HERC3: variants seen among roughly 807,000 people sequenced by gnomAD.
The protein encoded by HERC3 is HECT and RLD domain containing E3 ubiquitin protein ligase 3.
Under a neutral mutation model 129.9 loss-of-function variants are expected in HERC3, and 58 were observed. The observed-to-expected ratio is 0.45, with a 90% CI of 0.36 to 0.56. The LOEUF is 0.56. Ranked by LOEUF, HERC3 falls within the 20% of genes least tolerant of loss-of-function variation. HERC3 has a pLI of 0.00. For missense variants in HERC3, 835 were observed against 1,244.2 expected (o/e 0.67, Z 4.95); for synonymous variants, 430 against 451.0 (o/e 0.95, Z 0.59).
At chr4:88,531,420 T>G in the HERC3 span, among the ~76,000 whole-genome samples, 2 of 152,198 alleles carry the variant, frequency 1.3e-5, no homozygotes, top group African/African-American at 4.8e-5. Context: ...AAATATAAAC[T>G]TTAAAAATAA....
chr4:88,541,886 C>T, the HERC3 span, among the ~76,000 whole-genome samples: 1 of 152,198 alleles, frequency 6.6e-6, no homozygotes, highest in African/African-American at 2.4e-5. Flanking sequence ...TAAAGATGTT[C>T]TTTGAAACCA....
chr4:88,581,616 C>T, the HERC3 span, among the ~76,000 whole-genome samples: 1 of 151,888 alleles, frequency 6.6e-6, no homozygotes, highest in East Asian at 1.9e-4. Flanking sequence ...CTCTTTCTTT[C>T]TATTTTTTAA....
At chr4:88,662,264 G>A (rs1233618187) in intron 10 of HERC3, among the ~76,000 whole-genome samples, 167 bp from the exon 11 acceptor site, 1 of 152,152 alleles carries the variant, frequency 6.6e-6, no homozygotes, top group Admixed American at 6.5e-5. Context: ...ACCCAGCTGG[G>A]ATCTGTCAGG....
chr4:88,604,906 G>T (rs1723451441), intron 2 of HERC3, among the ~76,000 whole-genome samples: 1 of 152,130 alleles, frequency 6.6e-6, no homozygotes, highest in African/African-American at 2.4e-5. Context: ...GTTGTTACCT[G>T]GCCATCATTG....
At chr4:88,551,069 A>G in the HERC3 span, among the ~76,000 whole-genome samples, 47 of 149,082 alleles carry the variant, frequency 3.2e-4, no homozygotes, top group African/African-American at 1.1e-3. Context: ...TGCTGGGAAA[A>G]CTGGCTAGCC....
chr4:88,553,907 C>T, the HERC3 span, among the ~76,000 whole-genome samples: 1 of 152,186 alleles, frequency 6.6e-6, no homozygotes, highest in African/African-American at 2.4e-5. Flanking sequence ...TTGCAGTGAG[C>T]AGAGATCGCG....
the HERC3 span, among the ~76,000 whole-genome samples, chr4:88,562,651 T>G: frequency 2.0e-5 from 3 of 152,222 alleles, no homozygotes; most frequent in African/African-American, 7.2e-5. Context: ...GATTCAAAAC[T>G]TTAATCCATT....
At chr4:88,681,494 A>G (rs1292569550) in intron 21 of HERC3, among the ~76,000 whole-genome samples, 169 bp downstream of exon 21, 1 of 152,210 alleles carries the variant, frequency 6.6e-6, no homozygotes, top group East Asian at 1.9e-4. Flanking sequence ...CTTGCTTGAG[A>G]CATTGCCTGT....
chr4:88,696,919 T>TA, intron 23 of HERC3: 1 of 356,450 alleles, frequency 2.8e-6, no homozygotes, highest in Middle Eastern at 7.2e-4. Context: ...ACACCCTTTG[T>TA]AAACCTCAAT....
In HERC3 at chr4:88,667,463, C is replaced by G; in HGVS notation, c.1418C>G (p.Ser473Cys). The change falls in exon 13 of 26, where the codon TCT becomes TGT. Residue 473 changes from serine (S) to cysteine (C), a missense_variant. By Grantham distance (112) the Ser-to-Cys change is moderately radical. Coordinates refer to ENST00000402738, the MANE Select transcript of HERC3 (RefSeq NM_014606.3). ...TRVLFEKLMN[S>C]QHSMILEQIL... is the part of the protein sequence containing the mutation. ...GTGTTATTTGAGAAGTTAATGAACT[C>G]TCAGCACTCCATGATTCTAGAACAG... 1 of 1,600,280 alleles carries G rather than the reference C, an allele frequency of 6.2e-7. No homozygotes were observed. Among genetic ancestry groups the G allele is most frequent in the Non-Finnish European group, 8.5e-7 (1 of 1,169,964 alleles).
Position 88,644,136 on chromosome 4 carries a change from G to A in HERC3, c.227-5704G>A, listed in dbSNP as rs78180735. Among the ~76,000 whole-genome samples, 1,441 of 152,268 alleles carry A rather than the reference G, an allele frequency of 9.5e-3. 14 individuals are homozygous for A. The highest frequency in any genetic ancestry group is 0.025 in the African/African-American group (1,025 of 41,560). ...TAAATACTGATAATAGCAAGTGTTG[G>A]CAAGGATGCAGAGCAACTGGAACTC... is the stretch of plus-strand genomic sequence containing the variant. On this transcript the variant is annotated intron_variant, in intron 3 of 25. Coordinates refer to ENST00000402738, the MANE Select transcript of HERC3 (RefSeq NM_014606.3).
At chr4:88,596,349 A>C (rs1449941221) in intron 2 of HERC3, among the ~76,000 whole-genome samples, 1 of 152,188 alleles carries the variant, frequency 6.6e-6, no homozygotes, top group Non-Finnish European at 1.5e-5. Context: ...TGGCAGGGAC[A>C]TGTGTTTCTG....
At chr4:88,664,042 AGCT>A in intron 11 of HERC3, 108 bp from the exon 12 acceptor site, 1 of 785,266 alleles carries the variant, frequency 1.3e-6, no homozygotes, top group South Asian at 2.3e-5. Flanking sequence ...GCTGACAAAG[AGCT>A]GCTATTAATG....
chr4:88,633,385 C>T (rs1454862936), intron 3 of HERC3, among the ~76,000 whole-genome samples: 1 of 152,142 alleles, frequency 6.6e-6, no homozygotes, highest in Non-Finnish European at 1.5e-5. Flanking sequence ...TTTAAGATTA[C>T]TGTAACTTAA....
chr4:88,551,849 G>T, the HERC3 span, among the ~76,000 whole-genome samples: 5 of 152,092 alleles, frequency 3.3e-5, no homozygotes, highest in African/African-American at 1.2e-4. Flanking sequence ...GTTTATTGCG[G>T]CACTATTCAC....
the HERC3 span, among the ~76,000 whole-genome samples, chr4:88,575,533 G>C: frequency 6.6e-6 from 1 of 152,178 alleles, no homozygotes; most frequent in Non-Finnish European, 1.5e-5. Context: ...GAATTTAAGA[G>C]CTTCAGCAAT....
chr4:88,549,665 A>T, the HERC3 span, among the ~76,000 whole-genome samples: 57,704 of 151,644 alleles, frequency 0.38, 14,313 homozygotes, highest in African/African-American at 0.69. Flanking sequence ...TATGGCTGTG[A>T]AGTATTCCAT....
At chr4:88,559,465 GT>G in the HERC3 span, among the ~76,000 whole-genome samples, 27 of 152,094 alleles carry the variant, frequency 1.8e-4, no homozygotes, top group Non-Finnish European at 3.8e-4. Flanking sequence ...GATAACCACT[GT>G]TTTGTTCTCT....
chr4:88,697,681 TCCTCTGCCGCTG>T (rs762048249), intron 23 of HERC3: 154 of 1,612,080 alleles, frequency 9.6e-5, no homozygotes, highest in South Asian at 2.6e-4. Flanking sequence ...CGCCATTACC[TCCTCTGCCGCTG>T]CCTCCGCCGC....
Sources: gnomAD v4.1 joint callset for allele counts (sites outside exome capture counted in the v4.1 genomes callset) on GRCh38, gnomAD v4.1.1 for gene constraint, MANE v1.5 for transcripts, NCBI Gene and HGNC (gene_info 2026-07-23, HGNC 2026-07-21) for gene names.